The following BFSP1 variants were observed in gnomAD, a reference collection of about 807,000 sequenced individuals.
The protein encoded by BFSP1 is filensin.
A neutral mutation model predicts 43.9 loss-of-function variants in BFSP1; 38 were observed. The ratio of observed to expected loss-of-function variants is 0.87; its 90% CI spans 0.67 to 1.14. BFSP1 has a LOEUF of 1.14. BFSP1 is among the 50% of genes most tolerant of loss of function. The pLI, the probability that BFSP1 is intolerant of heterozygous loss-of-function variation, is 0.00. For missense variants in BFSP1, 850 were observed against 875.1 expected, an observed-to-expected ratio of 0.97 and a Z score of 0.36; for synonymous variants, 352 against 354.8, an observed-to-expected ratio of 0.99 and a Z score of 0.09.
intron 1 of BFSP1, among the ~76,000 whole-genome samples, chr20:17,556,004 A>G (rs1164455659): frequency 6.6e-6 from 1 of 152,202 alleles, no homozygotes; most frequent in African/African-American, 2.4e-5. Flanking sequence ...CAATAGACCC[A>G]TGTTGGTCCA....
At chr20:17,530,764 A>G (rs2034515922) in intron 1 of BFSP1, among the ~76,000 whole-genome samples, 189 bp downstream of exon 1, 1 of 152,270 alleles carries the variant, frequency 6.6e-6, no homozygotes, top group Admixed American at 6.5e-5. Flanking sequence ...GTAAACTGTG[A>G]CGTGCCATCA....
chr20:17,552,896 C>T (rs1160362631), intron 1 of BFSP1, among the ~76,000 whole-genome samples: 2 of 152,126 alleles, frequency 1.3e-5, no homozygotes, highest in Non-Finnish European at 1.5e-5. Context: ...ACAGTTGCAT[C>T]TACAAGTCAG....
At chr20:17,497,768 G>T (rs1302012681) in intron 6 of BFSP1, among the ~76,000 whole-genome samples, 1 of 151,924 alleles carries the variant, frequency 6.6e-6, no homozygotes, top group Non-Finnish European at 1.5e-5. Context: ...GGTGAATCTG[G>T]AGTATTCAGG....
chr20:17,504,943 T>TAA (rs35319868), intron 5 of BFSP1, among the ~76,000 whole-genome samples: 21 of 139,462 alleles, frequency 1.5e-4, no homozygotes, highest in South Asian at 6.9e-4. Flanking sequence ...TGTTTTGTCT[T>TAA]AAAAAAAAAA....
intron 1 of BFSP1, among the ~76,000 whole-genome samples, chr20:17,564,635 C>G (rs1296874965): frequency 6.6e-6 from 1 of 152,170 alleles, no homozygotes; most frequent in Non-Finnish European, 1.5e-5. Context: ...GTCACCCAGG[C>G]TAGAGTGCAG....
chr20:17,523,303 G>A (rs1237469157), intron 2 of BFSP1, among the ~76,000 whole-genome samples: 1 of 152,084 alleles, frequency 6.6e-6, no homozygotes, highest in Non-Finnish European at 1.5e-5. Context: ...AGAGTACCCA[G>A]GATGGCACTG....
chr20:17,559,579 CT>C (rs2035048151), upstream of BFSP1, among the ~76,000 whole-genome samples: 3 of 152,314 alleles, frequency 2.0e-5, no homozygotes, highest in South Asian at 6.2e-4. Context: ...GTCCCCACCC[CT>C]GGGCCATGAA....
At chr20:17,523,134 T>G (rs2034351163) in intron 2 of BFSP1, among the ~76,000 whole-genome samples, 1 of 152,262 alleles carries the variant, frequency 6.6e-6, no homozygotes, top group African/African-American at 2.4e-5. Flanking sequence ...CTTTTCCTTA[T>G]TTTTCGTTAT....
chr20:17,518,902 G>A (rs1228123082), intron 2 of BFSP1, among the ~76,000 whole-genome samples: 1 of 152,128 alleles, frequency 6.6e-6, no homozygotes, highest in Non-Finnish European at 1.5e-5. Flanking sequence ...TGGACCACAC[G>A]ATGTGAAGGA....
chr20:17,538,884 C>A (rs1463991589), intron 1 of BFSP1, among the ~76,000 whole-genome samples: 1 of 152,094 alleles, frequency 6.6e-6, no homozygotes, highest in Admixed American at 6.5e-5. Context: ...ATTAAACAAA[C>A]CTACCACCAC....
At chr20:17,512,896 A>G (rs2034119771) in intron 3 of BFSP1, among the ~76,000 whole-genome samples, 3 of 152,106 alleles carry the variant, frequency 2.0e-5, no homozygotes, top group South Asian at 4.1e-4. Flanking sequence ...TAAAACAGGG[A>G]TAACTATCTG....
rs555121468 is a variant in BFSP1 at position 17,530,814 on chromosome 20, G to T, written c.377+139C>A. 1.3e-4 allele frequency: 124 copies of T among 952,756 alleles called. 1 individual carries two copies. In the African/African-American group the frequency reaches 1.8e-3, roughly 14 times the overall value. The allele number at this position is 952,756 out of a possible 1,614,324, so 59.0% of individuals were successfully genotyped here. A position where few individuals can be genotyped will look rare whatever the true frequency, so the allele number is the denominator to read the frequency against. The stretch of plus-strand genomic sequence containing the variant: ...CTTAGCTTAAGGAAATGTGCCACCT[G>T]CGTGCAGGGATGAGGTCATCGATCG... On this transcript the variant is annotated intron_variant, in intron 1 of 7. Coordinates refer to ENST00000377873, the MANE Select transcript of BFSP1 (RefSeq NM_001195.5).
chr20:17,514,775 C>A lies in BFSP1; in HGVS notation c.480G>T (p.Leu160=), dbSNP rs1470859432. The change falls in exon 3 of 8, where the codon CTG becomes CTT. Residue 160 remains leucine (L), a synonymous_variant. Coordinates refer to ENST00000377873, the MANE Select transcript of BFSP1 (RefSeq NM_001195.5). ...TATCATCTTGCAGAAATTGGGCTTC[C>A]AGCTGAAGGCGTAGGTTATGCAGCA... ...EALLHNLRLQ[L]EAQFLQDDIS... is the part of the protein sequence containing the mutation. The A allele has an allele frequency of 6.2e-7, 1 of 1,613,946 alleles. No individual in the cohort carries two copies. Among genetic ancestry groups the A allele is most frequent in the East Asian group, 2.2e-5 (1 of 44,892 alleles).
At chr20:17,518,584 G>C (rs1215695234) in intron 2 of BFSP1, among the ~76,000 whole-genome samples, 1 of 152,210 alleles carries the variant, frequency 6.6e-6, no homozygotes, top group African/African-American at 2.4e-5. Context: ...CTGGTCTTCT[G>C]AAATACCCAG....
chr20:17,519,488 C>G lies in BFSP1; in HGVS notation c.439-4672G>C, dbSNP rs150271819. On this transcript the variant is annotated intron_variant, in intron 2 of 7. Coordinates refer to ENST00000377873, the MANE Select transcript of BFSP1 (RefSeq NM_001195.5). ...ATGCAGGGCTGAGGCCAGACTGATG[C>G]AGTGCATCATTGAACTCGTGAATGG... Among the ~76,000 whole-genome samples, 72 of 152,338 alleles carry G rather than the reference C, an allele frequency of 4.7e-4. 1 individual carries two copies. In the East Asian group the frequency reaches 0.014, roughly 29 times the overall value.
At chr20:17,556,761 T>A (rs1238714722) in intron 1 of BFSP1, among the ~76,000 whole-genome samples, 2 of 152,054 alleles carry the variant, frequency 1.3e-5, no homozygotes, top group Non-Finnish European at 2.9e-5. Flanking sequence ...TATAATTAAA[T>A]TTTTTAAAAC....
intron 1 of BFSP1, among the ~76,000 whole-genome samples, chr20:17,552,821 G>A (rs547636379): frequency 6.6e-6 from 1 of 152,294 alleles, no homozygotes; most frequent in East Asian, 1.9e-4. Flanking sequence ...AAAATATCAA[G>A]ATTTCTGTTT....
chr20:17,514,997 C>G (rs937497300), intron 2 of BFSP1, among the ~76,000 whole-genome samples, 181 bp from the exon 3 acceptor site: 2 of 152,220 alleles, frequency 1.3e-5, no homozygotes, highest in Non-Finnish European at 2.9e-5. Flanking sequence ...CCCATTGGAC[C>G]TGTTCTAGAA....
upstream of BFSP1, among the ~76,000 whole-genome samples, chr20:17,562,687 G>A (rs1016715388): frequency 7.9e-5 from 12 of 151,984 alleles, no homozygotes; most frequent in Non-Finnish European, 1.5e-4. Context: ...TACATAATTG[G>A]TCAACCTTTA....
Sources: allele counts gnomAD v4.1 joint callset (sites outside exome capture counted in the v4.1 genomes callset), GRCh38; gene constraint gnomAD v4.1.1; transcripts MANE v1.5; gene names NCBI Gene and HGNC (gene_info 2026-07-23, HGNC 2026-07-21).